Variants in INTS1 observed in about 807,000 individuals in gnomAD.
The protein encoded by INTS1 is integrator complex subunit 1.
A neutral mutation model predicts 241.6 loss-of-function variants in INTS1; 137 were observed. That is an observed-to-expected ratio of 0.57 (90% CI 0.49 to 0.65). The LOEUF is 0.65. Ranked by LOEUF, INTS1 falls within the 30% of genes least tolerant of loss-of-function variation. The pLI is 0.00. For synonymous variants in INTS1, 1,692 were observed against 1,337.8 expected, an observed-to-expected ratio of 1.26 and a Z score of -5.78; for missense variants, 3,073 against 3,032.2, an observed-to-expected ratio of 1.01 and a Z score of -0.32.
intron 46 of INTS1, 60 bp downstream of exon 46, chr7:1,471,073 G>A (rs1781443163): frequency 1.3e-6 from 2 of 1,529,540 alleles, no homozygotes; most frequent in Admixed American, 2.0e-5. Flanking sequence ...GGGTCAAGCG[G>A]TGACCTGGGT....
intron 1 of INTS1, 24 bp downstream of exon 1, chr7:1,504,299 G>A (rs932684157): frequency 7.3e-6 from 4 of 545,540 alleles, no homozygotes; most frequent in Non-Finnish European, 1.4e-5. Context: ...CAATGAGGAA[G>A]CGCCCAGGCC....
chr7:1,482,100 G>A (rs1197551032), intron 27 of INTS1, among the ~76,000 whole-genome samples: 1 of 152,140 alleles, frequency 6.6e-6, no homozygotes, highest in Non-Finnish European at 1.5e-5. Context: ...GCTGCCCCCA[G>A]TGTCTCCTCA....
At chr7:1,484,668 T>A (rs1012448806) in intron 24 of INTS1, among the ~76,000 whole-genome samples, 3 of 151,926 alleles carry the variant, frequency 2.0e-5, no homozygotes, top group Non-Finnish European at 4.4e-5. Context: ...CCTCCTGGCG[T>A]CGGGGAGAAG....
Position 1,474,622 on chromosome 7 carries a change from T to C in INTS1, c.5636+83A>G, listed in dbSNP as rs867227047. 60 of 1,464,208 alleles carry C rather than the reference T, an allele frequency of 4.1e-5. No homozygotes were observed. The Middle Eastern group carries it at 1.2e-3, about 30-fold the overall frequency. The allele number at this position is 1,464,208 out of a possible 1,614,324, so 90.7% of individuals were successfully genotyped here. ...CTTTTTTTTGTTGTTTTTGGAGTTT[T>C]GCTCTTGTTGCCCAGGCTGGAGAGC... On this transcript the variant is annotated intron_variant, in intron 40 of 47. Coordinates refer to ENST00000404767, the MANE Select transcript of INTS1 (RefSeq NM_001080453.3).
chr7:1,477,040 A>C, intron 35 of INTS1, 122 bp from the exon 36 acceptor site: 1 of 1,231,214 alleles, frequency 8.1e-7, no homozygotes, highest in Non-Finnish European at 1.1e-6. Flanking sequence ...GCTGCCGGTA[A>C]CACCGGCCCC....
chr7:1,480,749 C>G, intron 29 of INTS1, 86 bp downstream of exon 29: 2 of 1,125,312 alleles, frequency 1.8e-6, no homozygotes, highest in Non-Finnish European at 2.6e-6. Flanking sequence ...GTGCAGGCCC[C>G]GTCCCCCTCC....
At chr7:1,473,380 G>A (rs1194819747) in intron 42 of INTS1, among the ~76,000 whole-genome samples, 186 bp downstream of exon 42, 2 of 152,150 alleles carry the variant, frequency 1.3e-5, no homozygotes, top group African/African-American at 4.8e-5. Flanking sequence ...GCAGGGGTGG[G>A]TTCAGACGGC....
intron 2 of INTS1, among the ~76,000 whole-genome samples, chr7:1,503,642 T>C (rs1783311793): frequency 6.6e-6 from 1 of 152,178 alleles, no homozygotes; most frequent in Non-Finnish European, 1.5e-5. Flanking sequence ...TGGGGAGACC[T>C]TCCGCTACTG....
chr7:1,488,187 G>A (rs1233860673), intron 18 of INTS1, among the ~76,000 whole-genome samples: 2 of 152,194 alleles, frequency 1.3e-5, no homozygotes, highest in Non-Finnish European at 1.5e-5. Flanking sequence ...TCCTCCGCAG[G>A]CAGCACGCCT....
At position 1,470,328 on chromosome 7, in the gene INTS1, T is replaced by A; in HGVS notation, c.*249A>T. On this transcript the variant is annotated 3_prime_UTR_variant, in exon 48 of 48. Coordinates refer to ENST00000404767, the MANE Select transcript of INTS1 (RefSeq NM_001080453.3). The stretch of plus-strand genomic sequence containing the variant: ...CCAGCCCAGGCCATGCCCGGGGGGA[T>A]CCGCCGCTCCGCGGCAGGGCTGTGG... 1 of 469,806 alleles carries A rather than the reference T, an allele frequency of 2.1e-6. No individual in the cohort carries two copies. Among genetic ancestry groups the A allele is most frequent in the East Asian group, 3.5e-5 (1 of 28,290 alleles). The allele number at this position is 469,806 out of a possible 1,614,324, so 29.1% of individuals were successfully genotyped here.
Position 1,474,364 on chromosome 7 carries a change from C to G in INTS1, c.5637-4G>C. Reference sequence around the variant, plus strand: ...CGCCGCGATCATGGGCAGGTGCCTGCGGGCGCGGTGAGGGCCCAGTCAGCC... The same window carrying G: ...CGCCGCGATCATGGGCAGGTGCCTGGGGGCGCGGTGAGGGCCCAGTCAGCC... On this transcript the variant is annotated splice_polypyrimidine_tract_variant and splice_region_variant and intron_variant, in intron 40 of 47. Coordinates refer to ENST00000404767, the MANE Select transcript of INTS1 (RefSeq NM_001080453.3). 1.3e-6 allele frequency: 2 copies of G among 1,584,354 alleles called. No individual in the cohort carries two copies. Among genetic ancestry groups the G allele is most frequent in the Non-Finnish European group, 8.6e-7 (1 of 1,166,014 alleles).
chr7:1,498,358 G>T (rs1342582899), intron 10 of INTS1, 54 bp downstream of exon 10: 1 of 1,602,796 alleles, frequency 6.2e-7, no homozygotes, highest in Non-Finnish European at 8.5e-7. Flanking sequence ...TGCCCCTCCA[G>T]CCCAGAGCCC....
chr7:1,480,741 G>T, intron 29 of INTS1, 94 bp downstream of exon 29: 2 of 1,031,632 alleles, frequency 1.9e-6, no homozygotes, highest in Non-Finnish European at 1.4e-6. Flanking sequence ...GTGTGGCTGT[G>T]CAGGCCCCGT....
At position 1,486,975 on chromosome 7, in the gene INTS1, C is replaced by T. The variant is rs760152102; in HGVS notation, c.2773G>A (p.Gly925Arg). ...LHDAVDDAAS[G>R]EEDDEGESKE... ...CTCTCGCCCTCGTCGTCCTCCTCCC[C>T]GGAAGCAGCATCGTCCACAGCATCG... The change falls in exon 21 of 48, where the codon GGG becomes AGG. Residue 925 changes from glycine (G) to arginine (R), a missense_variant. Gly to Arg is a moderately radical substitution (Grantham distance 125). Coordinates refer to ENST00000404767, the MANE Select transcript of INTS1 (RefSeq NM_001080453.3). The T allele has an allele frequency of 1.9e-5, 30 of 1,608,150 alleles. No individual in the cohort carries two copies. The highest frequency in any genetic ancestry group is 2.4e-5 in the Non-Finnish European group (28 of 1,179,262).
At position 1,471,648 on chromosome 7, in the gene INTS1, C is replaced by G. The variant is rs372126115; in HGVS notation, c.6185-7G>C. The G allele has an allele frequency of 8.6e-5, 138 of 1,612,114 alleles. No homozygotes were observed. The African/African-American group carries it at 1.1e-3, about 13-fold the overall frequency. ...CTCAGAACCTCCAGCAGATCTGACACAGAGAGAGGGCCAGACCAGAACTGA... is the reference window on the plus strand; with the variant it reads ...CTCAGAACCTCCAGCAGATCTGACAGAGAGAGAGGGCCAGACCAGAACTGA... On this transcript the variant is annotated splice_polypyrimidine_tract_variant and splice_region_variant and intron_variant, in intron 44 of 47. Coordinates refer to ENST00000404767, the MANE Select transcript of INTS1 (RefSeq NM_001080453.3).
intron 1 of INTS1, 70 bp from the exon 2 acceptor site, chr7:1,504,071 C>G (rs1056874317): frequency 2.4e-6 from 2 of 822,496 alleles, no homozygotes; most frequent in African/African-American, 3.6e-5. Context: ...CGCTCCCTTG[C>G]CGCACGGGGC....
chr7:1,474,247 A>G lies in INTS1; in HGVS notation c.5750T>C (p.Leu1917Pro), dbSNP rs1185586513. The change falls in exon 41 of 48, where the codon CTG becomes CCG. Residue 1917 changes from leucine to proline, a missense_variant. Transcript: ENST00000404767. ...CFLHVLGLLE[L>P]LQPHVFRSEH... is the part of the protein sequence containing the mutation. ...GCTGCGGAACACGTGCGGCTGCAGCAGCTCCAGCAGGCCCAGCACGTGCAG... is the reference window on the plus strand; with the variant it reads ...GCTGCGGAACACGTGCGGCTGCAGCGGCTCCAGCAGGCCCAGCACGTGCAG... 3 of 1,605,282 alleles carry G rather than the reference A, an allele frequency of 1.9e-6. No individual in the cohort carries two copies. The highest frequency in any genetic ancestry group is 1.7e-6 in the Non-Finnish European group (2 of 1,177,438).
At position 1,480,501 on chromosome 7, in the gene INTS1, G is replaced by C. The variant is rs547007973; in HGVS notation, c.3950-60C>G. ...CTTTCTGACCTGCTTCCAGCGGTGG[G>C]AACTGTACAAGCCATGGCGAGTCCT... On this transcript the variant is annotated intron_variant, in intron 29 of 47. Transcript: ENST00000404767. The C allele has an allele frequency of 2.5e-6, 4 of 1,570,384 alleles. No individual in the cohort carries two copies. The East Asian group carries it at 6.9e-5, about 27-fold the overall frequency.
intron 33 of INTS1, 54 bp from the exon 34 acceptor site, chr7:1,477,990 C>T (rs963947785): frequency 1.3e-6 from 2 of 1,504,876 alleles, no homozygotes; most frequent in Non-Finnish European, 1.8e-6. Context: ...GTGGGGGCCG[C>T]TGAGTGGGTG....
Sources: gnomAD v4.1 joint callset for allele counts (sites outside exome capture counted in the v4.1 genomes callset) on GRCh38, gnomAD v4.1.1 for gene constraint, MANE v1.5 for transcripts, NCBI Gene and HGNC (gene_info 2026-07-23, HGNC 2026-07-21) for gene names.